Variants in CADM1 observed in about 807,000 individuals in gnomAD.
CADM1 encodes TSLC-1.
Under a neutral mutation model 53.1 loss-of-function variants are expected in CADM1, and 15 were observed. That is an observed-to-expected ratio of 0.28 (90% CI 0.19 to 0.44). The LOEUF is 0.44. Among genes scored for constraint, CADM1 ranks in the 20% least tolerant of loss-of-function variants. The probability of loss-of-function intolerance (pLI) is 1.00; values close to 1 mark genes in which losing one functional copy is unlikely to be tolerated. For missense variants in CADM1, 434 were observed against 611.3 expected (o/e 0.71, Z 3.06); for synonymous variants, 281 against 243.0 (o/e 1.16, Z -1.45).
At chr11:115,488,216 T>C (rs997439181) in intron 1 of CADM1, among the ~76,000 whole-genome samples, 5 of 152,122 alleles carry the variant, frequency 3.3e-5, no homozygotes, top group Admixed American at 3.3e-4. Flanking sequence ...ATCAATAAAA[T>C]ACTAAGATTC....
At chr11:115,320,379 T>G (rs577519427) in intron 1 of CADM1, among the ~76,000 whole-genome samples, 1 of 152,296 alleles carries the variant, frequency 6.6e-6, no homozygotes, top group East Asian at 1.9e-4. Flanking sequence ...TAAATTTTAA[T>G]TAGATGAAAA....
intron 1 of CADM1, among the ~76,000 whole-genome samples, chr11:115,470,506 C>A (rs1948988214): frequency 6.6e-6 from 1 of 152,070 alleles, no homozygotes; most frequent in Non-Finnish European, 1.5e-5. Context: ...TTAAGAAATG[C>A]AATAGATTTG....
chr11:115,394,791 T>C (rs1946950936), intron 1 of CADM1, among the ~76,000 whole-genome samples: 1 of 152,156 alleles, frequency 6.6e-6, no homozygotes, highest in South Asian at 2.1e-4. Context: ...CATGACTTTG[T>C]TTTATAGTCT....
intron 4 of CADM1, among the ~76,000 whole-genome samples, chr11:115,230,708 C>T (rs919562768): frequency 6.6e-6 from 1 of 152,198 alleles, no homozygotes; most frequent in African/African-American, 2.4e-5. Context: ...CTGCCTTGTA[C>T]TGTCATCACA....
At chr11:115,183,705 C>T (rs533899013) in intron 10 of CADM1, among the ~76,000 whole-genome samples, 77 of 152,350 alleles carry the variant, frequency 5.1e-4, no homozygotes, top group African/African-American at 1.8e-3. Flanking sequence ...ACCCTCACAT[C>T]TCAAACATCC....
At chr11:115,353,767 G>A (rs867231614) in intron 1 of CADM1, among the ~76,000 whole-genome samples, 2 of 152,272 alleles carry the variant, frequency 1.3e-5, no homozygotes, top group South Asian at 2.1e-4. Flanking sequence ...CTTGCATTGG[G>A]AAAGGAGGGT....
rs946903673 is a variant in CADM1 at position 115,272,805 on chromosome 11, C to T, written c.125-32385G>A. ...GGGAGATACACCTAATGCTAGATGA[C>T]GAGTTAGTGGGTGCAGCACACCAGC... On this transcript the variant is annotated intron_variant, in intron 1 of 11. Coordinates refer to ENST00000331581, the MANE Select transcript of CADM1 (RefSeq NM_001301043.2). Among the ~76,000 whole-genome samples the T allele has an allele frequency of 1.9e-4, 28 of 150,414 alleles. 2 individuals are homozygous for T. The highest frequency in any genetic ancestry group is 3.4e-4 in the African/African-American group (14 of 40,948).
chr11:115,236,586 A>C (rs897466548), intron 3 of CADM1, among the ~76,000 whole-genome samples: 2 of 152,226 alleles, frequency 1.3e-5, no homozygotes, highest in East Asian at 3.8e-4. Context: ...TAGTGCTGGC[A>C]CACTGGCTCC....
chr11:115,205,959 C>A (rs1940655616), intron 8 of CADM1, among the ~76,000 whole-genome samples: 1 of 152,190 alleles, frequency 6.6e-6, no homozygotes, highest in Non-Finnish European at 1.5e-5. Flanking sequence ...AATCAACGCA[C>A]CCTAAGTTGA....
chr11:115,502,871 T>G (rs1343376380), intron 1 of CADM1, among the ~76,000 whole-genome samples: 1 of 152,176 alleles, frequency 6.6e-6, no homozygotes, highest in South Asian at 2.1e-4. Context: ...GAGGCGCCCC[T>G]GAAGCAGCAC....
intron 1 of CADM1, among the ~76,000 whole-genome samples, chr11:115,415,694 G>C (rs1416393606): frequency 1.3e-5 from 2 of 151,762 alleles, no homozygotes; most frequent in Non-Finnish European, 2.9e-5. Flanking sequence ...CATTTAGCCA[G>C]ACATGGTGAT....
At chr11:115,308,211 T>TACATAC (rs1944438350) in intron 1 of CADM1, among the ~76,000 whole-genome samples, 2 of 139,384 alleles carry the variant, frequency 1.4e-5, no homozygotes, top group African/African-American at 5.4e-5. Flanking sequence ...TATATATATA[T>TACATAC]ACACACCTAT....
chr11:115,223,500 C>G (rs906117651), intron 5 of CADM1, among the ~76,000 whole-genome samples: 1 of 152,176 alleles, frequency 6.6e-6, no homozygotes, highest in African/African-American at 2.4e-5. Flanking sequence ...TCCACAGCCA[C>G]ACAGACACAT....
In CADM1 at chr11:115,176,546, G is replaced by A. The variant is rs1456048207; in HGVS notation, c.1344C>T (p.Asp448=). 31 of 1,613,966 alleles carry A rather than the reference G, an allele frequency of 1.9e-5. No individual in the cohort carries two copies. Among genetic ancestry groups the A allele is most frequent in the Non-Finnish European group, 2.5e-5 (29 of 1,180,004 alleles). Residue 448 remains aspartate (D), a synonymous_variant, in exon 12 of 12, where the codon GAC becomes GAT. Transcript: ENST00000331581. ...HEAKGADDAA[D]ADTAIINAEG... Reference sequence around the variant, plus strand: ...CTGCATTGATTATAGCTGTGTCTGCGTCTGCTGCGTCATCGGCTCCTTTGG... The same window carrying A: ...CTGCATTGATTATAGCTGTGTCTGCATCTGCTGCGTCATCGGCTCCTTTGG...
In CADM1 at chr11:115,321,796, T is replaced by C. The variant is rs551109035; in HGVS notation, c.125-81376A>G. ...GTGGCGTGATACTCCAGGCAAAGCA[T>C]TCCATAGGGTTAGAGTGCTGCTTGA... On this transcript the variant is annotated intron_variant, in intron 1 of 11. Coordinates refer to ENST00000331581, the MANE Select transcript of CADM1 (RefSeq NM_001301043.2). Among the ~76,000 whole-genome samples the C allele has an allele frequency of 2.0e-5, 3 of 152,284 alleles. No individual in the cohort carries two copies. In the South Asian group the frequency reaches 6.2e-4, roughly 32 times the overall value.
intron 1 of CADM1, among the ~76,000 whole-genome samples, chr11:115,416,698 TACACACACACAC>T (rs34112529): frequency 7.1e-5 from 10 of 141,468 alleles, no homozygotes; most frequent in East Asian, 4.2e-4. Flanking sequence ...AAGGATTAAA[TACACACACACAC>T]ACACACACAC....
At chr11:115,474,984 C>G (rs574457753) in intron 1 of CADM1, among the ~76,000 whole-genome samples, 1 of 152,174 alleles carries the variant, frequency 6.6e-6, no homozygotes, top group Admixed American at 6.5e-5. Context: ...GGTGGGAAAA[C>G]AAAATGGTAC....
intron 10 of CADM1, among the ~76,000 whole-genome samples, chr11:115,182,841 A>C (rs1939375691): frequency 6.6e-6 from 1 of 152,124 alleles, no homozygotes; most frequent in Non-Finnish European, 1.5e-5. Flanking sequence ...ATAAATCATG[A>C]GGTGTTTAGT....
At chr11:115,461,261 AG>A (rs1191674241) in intron 1 of CADM1, among the ~76,000 whole-genome samples, 43 of 152,226 alleles carry the variant, frequency 2.8e-4, no homozygotes, top group Non-Finnish European at 3.8e-4. Flanking sequence ...ATAATAATGT[AG>A]TTGAGATAAA....
Sources: gnomAD v4.1 joint callset for allele counts (sites outside exome capture counted in the v4.1 genomes callset) on GRCh38, gnomAD v4.1.1 for gene constraint, MANE v1.5 for transcripts, NCBI Gene and HGNC (gene_info 2026-07-23, HGNC 2026-07-21) for gene names.